Variants in AP4E1 observed in about 807,000 individuals in gnomAD.
AP4E1 encodes the protein AP-4 complex subunit epsilon-1.
AP4E1 carries 56 observed loss-of-function variants against 128.2 expected under a neutral mutation model. The ratio of observed to expected loss-of-function variants is 0.44; its 90% CI spans 0.35 to 0.55. The LOEUF (loss-of-function observed/expected upper bound fraction) is 0.55, where lower values mean the gene tolerates loss of function less well. Among genes scored for constraint, AP4E1 ranks in the 20% least tolerant of loss-of-function variants. The pLI, the probability that AP4E1 is intolerant of heterozygous loss-of-function variation, is 0.00. For synonymous variants in AP4E1, 484 were observed against 473.1 expected (o/e 1.02, Z -0.30); for missense variants, 1,324 against 1,307.7 (o/e 1.01, Z -0.19).
At chr15:50,997,272 A>G (rs567367919) in intron 17 of AP4E1, 54 bp from the exon 18 acceptor site, 2 of 1,438,752 alleles carry the variant, frequency 1.4e-6, no homozygotes, top group South Asian at 1.4e-5. Flanking sequence ...AATGTTTAAA[A>G]CTCATGACTA....
intron 18 of AP4E1, 117 bp from the exon 19 acceptor site, chr15:50,998,955 T>C (rs1567267700): frequency 2.1e-6 from 2 of 936,696 alleles, no homozygotes; most frequent in Middle Eastern, 2.8e-4. Context: ...TAGTTTGTTA[T>C]TAACTTCCCA....
At chr15:50,974,917 G>T (rs2064531585) in intron 15 of AP4E1, among the ~76,000 whole-genome samples, 1 of 151,714 alleles carries the variant, frequency 6.6e-6, no homozygotes, top group South Asian at 2.1e-4. Context: ...TATTTTGGAG[G>T]TTAACCCTTA....
intron 3 of AP4E1, among the ~76,000 whole-genome samples, chr15:50,920,014 T>C (rs893199591): frequency 1.3e-5 from 2 of 148,958 alleles, no homozygotes; most frequent in African/African-American, 2.5e-5. Context: ...GAGGCGGAGA[T>C]TGTGGTAAGC....
intron 1 of AP4E1, among the ~76,000 whole-genome samples, chr15:50,909,296 T>G (rs895355557): frequency 6.6e-6 from 1 of 152,220 alleles, no homozygotes; most frequent in African/African-American, 2.4e-5. Context: ...AAATACCTAG[T>G]GCGATGGAAG....
chr15:50,912,139 C>G lies in AP4E1; in HGVS notation c.212C>G (p.Thr71Ser). 6.2e-7 allele frequency: 1 copy of G among 1,613,940 alleles called. No homozygotes were observed. Among genetic ancestry groups the G allele is most frequent in the Non-Finnish European group, 8.5e-7 (1 of 1,179,822 alleles). The part of the protein sequence containing the change: ...SSLKATVSAP[T>S]TTLKMMKECM... ...CTGAAAGCGACTGTTTCTGCTCCTACTACAACACTGGTAGGTTTGCATAGT... is the reference window on the plus strand; with the variant it reads ...CTGAAAGCGACTGTTTCTGCTCCTAGTACAACACTGGTAGGTTTGCATAGT... The change falls in exon 2 of 21, where the codon ACT becomes AGT. Residue 71 changes from threonine to serine, a missense_variant. Physicochemically the swap from Thr to Ser is moderately conservative, Grantham distance 58 (BLOSUM62 1). Coordinates refer to ENST00000261842, the MANE Select transcript of AP4E1 (RefSeq NM_007347.5).
intron 6 of AP4E1, 83 bp downstream of exon 6, chr15:50,929,251 G>A: frequency 1.4e-6 from 2 of 1,442,702 alleles, no homozygotes; most frequent in South Asian, 1.2e-5. Context: ...AGATATTTTG[G>A]TAAAATGCTT....
chr15:50,931,939 T>A (rs2063841341), intron 7 of AP4E1, among the ~76,000 whole-genome samples: 1 of 152,078 alleles, frequency 6.6e-6, no homozygotes, highest in Non-Finnish European at 1.5e-5. Flanking sequence ...ACTTCTCATG[T>A]GTATCTTTCC....
chr15:50,954,840 T>C (rs8024428), intron 13 of AP4E1, among the ~76,000 whole-genome samples: 65,994 of 151,952 alleles, frequency 0.43, 14,540 homozygotes, highest in East Asian at 0.59. Context: ...GCTATCCCTC[T>C]GCCGTCCCCC....
chr15:50,991,329 G>C (rs1349901838), intron 16 of AP4E1, among the ~76,000 whole-genome samples: 1 of 152,074 alleles, frequency 6.6e-6, no homozygotes, highest in Non-Finnish European at 1.5e-5. Flanking sequence ...TTAGGGACTT[G>C]TTCTCTCTTT....
intron 16 of AP4E1, among the ~76,000 whole-genome samples, chr15:50,989,278 G>A (rs1300215633): frequency 6.6e-6 from 1 of 152,152 alleles, no homozygotes; most frequent in Non-Finnish European, 1.5e-5. Context: ...AATCTCAAAA[G>A]TGACAACTTT....
rs545198991 is a variant in AP4E1, at chr15:50,980,204, C to T, written c.1967-3818C>T. Among the ~76,000 whole-genome samples, 12 of 152,216 alleles carry T rather than the reference C, an allele frequency of 7.9e-5. No individual in the cohort carries two copies. The South Asian group carries it at 1.9e-3, about 24-fold the overall frequency. On this transcript the variant is annotated intron_variant, in intron 15 of 20. Coordinates refer to ENST00000261842, the MANE Select transcript of AP4E1 (RefSeq NM_007347.5). Reference sequence around the variant, plus strand: ...TAAGTTCATTAAATGTATGAGATCCCAGACAGGAAAGAGGAATATATCTTG... The same window carrying T: ...TAAGTTCATTAAATGTATGAGATCCTAGACAGGAAAGAGGAATATATCTTG...
intron 15 of AP4E1, among the ~76,000 whole-genome samples, chr15:50,983,255 C>A (rs2064666865): frequency 6.6e-6 from 1 of 152,180 alleles, no homozygotes; most frequent in African/African-American, 2.4e-5. Flanking sequence ...TATGCCCCAG[C>A]AATCATGTTG....
At chr15:50,910,283 C>T (rs1398671239) in intron 1 of AP4E1, among the ~76,000 whole-genome samples, 1 of 151,998 alleles carries the variant, frequency 6.6e-6, no homozygotes. Context: ...GCGCCGGGCC[C>T]CCACAGGCGC....
rs187193710 is a variant in AP4E1 at position 50,996,692 on chromosome 15, A to G, written c.2347-634A>G. Among the ~76,000 whole-genome samples, 245 of 152,310 alleles carry G rather than the reference A, an allele frequency of 1.6e-3. 2 individuals carry two copies. The highest frequency in any genetic ancestry group is 5.8e-3 in the African/African-American group (240 of 41,564). The stretch of plus-strand genomic sequence containing the variant: ...ACACTTGAACCATCACTCCTCTTAC[A>G]TAGATTCACAGACCATTCTTCAGAA... On this transcript the variant is annotated intron_variant, in intron 17 of 20. Coordinates refer to ENST00000261842, the MANE Select transcript of AP4E1 (RefSeq NM_007347.5).
intron 8 of AP4E1, among the ~76,000 whole-genome samples, chr15:50,938,382 G>T (rs2063937159): frequency 6.6e-6 from 1 of 152,070 alleles, no homozygotes; most frequent in Non-Finnish European, 1.5e-5. Context: ...AAAAACTGTG[G>T]ACCCATCCCC....
chr15:50,945,725 A>T, intron 10 of AP4E1: 1 of 780,524 alleles, frequency 1.3e-6, no homozygotes, highest in Non-Finnish European at 2.4e-6. Flanking sequence ...TGGAAAGCTA[A>T]TGCTTCTGAA....
At chr15:50,942,268 T>A (rs915961020) in intron 10 of AP4E1, among the ~76,000 whole-genome samples, 1 of 152,178 alleles carries the variant, frequency 6.6e-6, no homozygotes, top group Non-Finnish European at 1.5e-5. Context: ...ACTATGTCAG[T>A]GTCCACAGGA....
chr15:50,963,297 A>T (rs1290484946), intron 14 of AP4E1, among the ~76,000 whole-genome samples: 1 of 152,216 alleles, frequency 6.6e-6, no homozygotes, highest in East Asian at 1.9e-4. Context: ...CTGCACCCCC[A>T]TGTTCACTGC....
At chr15:50,939,603 T>C (rs1047444816) in intron 8 of AP4E1, among the ~76,000 whole-genome samples, 4 of 152,168 alleles carry the variant, frequency 2.6e-5, no homozygotes, top group Non-Finnish European at 5.9e-5. Flanking sequence ...CATTTTCAGC[T>C]CAATTATGCC....
Sources: allele counts gnomAD v4.1 joint callset (sites outside exome capture counted in the v4.1 genomes callset), GRCh38; gene constraint gnomAD v4.1.1; transcripts MANE v1.5; gene names NCBI Gene and HGNC (gene_info 2026-07-23, HGNC 2026-07-21).